The following MAPK7 variants were observed in gnomAD, a reference collection of about 807,000 sequenced individuals.
MAPK7 encodes the protein BMK-1.
MAPK7 carries 30 observed loss-of-function variants against 56.9 expected under a neutral mutation model. That is an observed-to-expected ratio of 0.53 (90% CI 0.39 to 0.72). The LOEUF (loss-of-function observed/expected upper bound fraction) is 0.72. Ranked by LOEUF, MAPK7 falls within the 30% of genes least tolerant of loss-of-function variation. The pLI is 0.00. For missense variants in MAPK7, 952 were observed against 1,110.8 expected (o/e 0.86, Z 2.03); for synonymous variants, 516 against 449.3 (o/e 1.15, Z -1.88).
chr17:19,380,834 A>T lies in MAPK7; in HGVS notation c.625A>T (p.Thr209Ser). 1 of 1,613,376 alleles carries T rather than the reference A, an allele frequency of 6.2e-7. No homozygotes were observed. Among genetic ancestry groups the T allele is most frequent in the Non-Finnish European group, 8.5e-7 (1 of 1,179,654 alleles). Residue 209 changes from threonine (T) to serine (S), a missense_variant, in exon 4 of 7, where the codon ACC becomes TCC. Physicochemically the swap from Thr to Ser is moderately conservative, Grantham distance 58 (BLOSUM62 1). Transcript: ENST00000395604. ...CTTTGGTATGGCTCGTGGCCTGTGC[A>T]CCTCGCCCGCTGAACATCAGTACTT... ...GDFGMARGLC[T>S]SPAEHQYFMT... is the part of the protein sequence containing the mutation.
In MAPK7 at chr17:19,382,011, G is replaced by A; in HGVS notation, c.1708G>A (p.Glu570Lys). 3 of 1,555,096 alleles carry A rather than the reference G, an allele frequency of 1.9e-6. No homozygotes were observed. The highest frequency in any genetic ancestry group is 2.4e-5 in the East Asian group (1 of 41,150). ...VLSDNDRSLL[E>K]RWTRMARPAA... ...CAGTGACAATGACAGAAGCCTGTTG[G>A]AACGCTGGACTCGAATGGCCCGGCC... Residue 570 changes from glutamate to lysine, a missense_variant, in exon 5 of 7, where the codon GAA becomes AAA. By Grantham distance (56) the Glu-to-Lys change is moderately conservative. Coordinates refer to ENST00000395604, the MANE Select transcript of MAPK7 (RefSeq NM_002749.4).
Position 19,378,785 on chromosome 17 carries a change from C to T in MAPK7, c.-5-111C>T. On this transcript the variant is annotated intron_variant, in intron 1 of 6. Transcript: ENST00000395604. The surrounding 1 kb of genome is among the most constrained non-coding windows in gnomAD (Gnocchi z 5.4). ...GCCACGAACCAGCCGCGCGCTTCTG[C>T]CCTTGTCGGTTTAGGAAACTGGGAA... The T allele has an allele frequency of 1.5e-6, 2 of 1,301,088 alleles. No homozygotes were observed. Among genetic ancestry groups the T allele is most frequent in the Non-Finnish European group, 1.0e-6 (1 of 968,334 alleles). 80.6% of individuals were successfully genotyped at this position (1,301,088 alleles called of 1,614,324 possible). A position where few individuals can be genotyped will look rare whatever the true frequency, so the allele number is the denominator to read the frequency against.
intron 2 of MAPK7, 31 bp downstream of exon 2, chr17:19,379,163 G>A (rs767059776): frequency 6.3e-7 from 1 of 1,595,040 alleles, no homozygotes; most frequent in South Asian, 1.1e-5. Flanking sequence ...CCTCCCAGAT[G>A]TGGCAGCGTC....
rs767773020 is a variant in MAPK7, at chr17:19,383,230, G to A, written c.2450G>A (p.Ter817=). ...LADLPDLQDP[*] ...GACCTGCCTGACCTCCAGGACCCCT[G>A]AGGCCCCCAGCCTGTGCCTTGCTGC... The change falls in exon 7 of 7, where the codon TGA becomes TAA. Residue 817 remains the stop codon, a stop_retained_variant. Transcript: ENST00000395604. 152 of 1,613,612 alleles carry A rather than the reference G, an allele frequency of 9.4e-5. No homozygotes were observed. The highest frequency in any genetic ancestry group is 1.2e-4 in the Non-Finnish European group (147 of 1,179,884).
rs149245489 is a variant in MAPK7, at chr17:19,382,150, C to T, written c.1847C>T (p.Pro616Leu). The change falls in exon 5 of 7, where the codon CCG becomes CTG. Residue 616 changes from proline to leucine, a missense_variant. Transcript: ENST00000395604. ...PPGPVAQPTGPQPQSAGSTSG... is the reference protein window; with the variant it reads ...PPGPVAQPTGLQPQSAGSTSG... The stretch of plus-strand genomic sequence containing the variant: ...GGCCCTGTAGCCCAGCCCACTGGCC[C>T]GCAACCACAATCTGCGGGCTCTACC... The T allele has an allele frequency of 1.1e-4, 174 of 1,612,538 alleles. No individual in the cohort carries two copies. Among genetic ancestry groups the T allele is most frequent in the Admixed American group, 5.0e-4 (30 of 60,002 alleles).
intron 6 of MAPK7, 36 bp from the exon 7 acceptor site, chr17:19,383,042 A>T (rs1264042418): frequency 1.9e-6 from 3 of 1,612,934 alleles, no homozygotes; most frequent in Non-Finnish European, 2.5e-6. Flanking sequence ...GGTCCAGCCT[A>T]GGCTAATAGC....
rs1320907090 is a variant in MAPK7 at position 19,381,106 on chromosome 17, G to C, written c.897G>C (p.Gln299His). 2 of 1,613,956 alleles carry C rather than the reference G, an allele frequency of 1.2e-6. No homozygotes were observed. The highest frequency in any genetic ancestry group is 1.1e-5 in the South Asian group (1 of 91,076). ...VGAERVRAYI[Q>H]SLPPRQPVPW... Reference sequence around the variant, plus strand: ...CTGAGAGGGTGCGGGCCTATATCCAGAGCTTGCCACCACGCCAGCCTGTGC... The same window carrying C: ...CTGAGAGGGTGCGGGCCTATATCCACAGCTTGCCACCACGCCAGCCTGTGC... The change falls in exon 4 of 7, where the codon CAG (glutamine) becomes CAC (histidine). Residue 299 changes from glutamine to histidine, a missense_variant. Physicochemically the swap from Gln to His is conservative, Grantham distance 24. Around this residue, in one of 5 missense-constraint regions of MAPK7, gnomAD observed 429 missense variants for 533.0 expected, o/e 0.80. Transcript: ENST00000395604. The surrounding 1 kb of genome is among the most constrained non-coding windows in gnomAD (Gnocchi z 4.6).
In MAPK7 at chr17:19,383,289, A is replaced by T; in HGVS notation, c.*58A>T. On this transcript the variant is annotated 3_prime_UTR_variant, in exon 7 of 7. Coordinates refer to ENST00000395604, the MANE Select transcript of MAPK7 (RefSeq NM_002749.4). ...ACCTAGTTCCAGGATCCATGGGAGC[A>T]TTCTCAAAGGCTTTAGCCCTGGACC... 6.3e-7 allele frequency: 1 copy of T among 1,584,220 alleles called. No individual in the cohort carries two copies. The highest frequency in any genetic ancestry group is 8.6e-7 in the Non-Finnish European group (1 of 1,158,912).
At chr17:19,377,805 T>C (rs1912222732), upstream of MAPK7, 1 of 982,204 alleles carries the variant, frequency 1.0e-6, no homozygotes, top group Non-Finnish European at 1.2e-6. Context: ...TTAACTCCGC[T>C]GCAGCCCAAA....
At position 19,381,227 on chromosome 17, in the gene MAPK7, G is replaced by A; in HGVS notation, c.1018G>A (p.Ala340Thr). The A allele has an allele frequency of 6.2e-7, 1 of 1,614,136 alleles. No homozygotes were observed. Among genetic ancestry groups the A allele is most frequent in the Non-Finnish European group, 8.5e-7 (1 of 1,180,038 alleles). ...GCCCAGCGCTCGCATCTCAGCAGCTGCTGCCCTTCGCCACCCTTTCCTGGC... is the reference window on the plus strand; with the variant it reads ...GCCCAGCGCTCGCATCTCAGCAGCTACTGCCCTTCGCCACCCTTTCCTGGC... ...FEPSARISAA[A>T]ALRHPFLAKY... The change falls in exon 4 of 7, where the codon GCT becomes ACT. Residue 340 changes from alanine to threonine, a missense_variant. Coordinates refer to ENST00000395604, the MANE Select transcript of MAPK7 (RefSeq NM_002749.4). The surrounding 1 kb of genome is among the most constrained non-coding windows in gnomAD (Gnocchi z 4.6).
chr17:19,380,899 C>G lies in MAPK7; in HGVS notation c.690C>G (p.Pro230=). The G allele has an allele frequency of 6.2e-7, 1 of 1,614,154 alleles. No individual in the cohort carries two copies. Among genetic ancestry groups the G allele is most frequent in the Non-Finnish European group, 8.5e-7 (1 of 1,180,034 alleles). The change falls in exon 4 of 7, where the codon CCC becomes CCG. Residue 230 remains proline (P), a synonymous_variant. Coordinates refer to ENST00000395604, the MANE Select transcript of MAPK7 (RefSeq NM_002749.4). The stretch of plus-strand genomic sequence containing the variant: ...TGGCCACGCGCTGGTACCGTGCGCC[C>G]GAGCTCATGCTCTCTTTGCATGAGT... ...EYVATRWYRA[P]ELMLSLHEYT... is the part of the protein sequence containing the mutation.
chr17:19,380,651 A>G lies in MAPK7; in HGVS notation c.442A>G (p.Ile148Val), dbSNP rs761932610. ...GATGGAAAGCGACCTGCACCAGATC[A>G]TCCACTCCTCACAGCCCCTCACACT... ...DLMESDLHQI[I>V]HSSQPLTLEH... is the part of the protein sequence containing the mutation. Residue 148 changes from isoleucine to valine, a missense_variant, in exon 4 of 7, where the codon ATC (isoleucine) becomes GTC (valine). Physicochemically the swap from Ile to Val is conservative, Grantham distance 29. Around this residue, in one of 5 missense-constraint regions of MAPK7, gnomAD observed 213 missense variants for 243.2 expected, o/e 0.88. Coordinates refer to ENST00000395604, the MANE Select transcript of MAPK7 (RefSeq NM_002749.4). 1.2e-6 allele frequency: 2 copies of G among 1,612,120 alleles called. No homozygotes were observed. The highest frequency in any genetic ancestry group is 2.2e-5 in the East Asian group (1 of 44,808).
In MAPK7 at chr17:19,378,758, C is replaced by T; in HGVS notation, c.-6+128C>T. 1.5e-6 allele frequency: 2 copies of T among 1,290,366 alleles called. No individual in the cohort carries two copies. Among genetic ancestry groups the T allele is most frequent in the Non-Finnish European group, 2.1e-6 (2 of 970,018 alleles). The allele number at this position is 1,290,366 out of a possible 1,614,324, so 79.9% of individuals were successfully genotyped here. On this transcript the variant is annotated intron_variant, in intron 1 of 6. Transcript: ENST00000395604. The surrounding 1 kb of genome is among the most constrained non-coding windows in gnomAD (Gnocchi z 5.4). ...GGCCCGGACCCCTGGGGTAGCTAGTCTGCCACGAACCAGCCGCGCGCTTCT... is the reference window on the plus strand; with the variant it reads ...GGCCCGGACCCCTGGGGTAGCTAGTTTGCCACGAACCAGCCGCGCGCTTCT...
In MAPK7 at chr17:19,381,931, G is replaced by T. The variant is rs953512321; in HGVS notation, c.1628G>T (p.Arg543Leu). ...KRRQERERKE[R>L]GAGASGGPST... ...CGGCAGGAGCGGGAGCGAAAGGAACGGGGGGCTGGGGCCTCTGGGGGCCCC... is the reference window on the plus strand; with the variant it reads ...CGGCAGGAGCGGGAGCGAAAGGAACTGGGGGCTGGGGCCTCTGGGGGCCCC... The change falls in exon 5 of 7, where the codon CGG (arginine) becomes CTG (leucine). Residue 543 changes from arginine to leucine, a missense_variant. Arg to Leu is a moderately radical substitution (Grantham distance 102). Transcript: ENST00000395604. This position sits in a 1 kb window ranked among gnomAD's most constrained non-coding sequence, Gnocchi z 4.6. 10 of 1,552,068 alleles carry T rather than the reference G, an allele frequency of 6.4e-6. No homozygotes were observed. The highest frequency in any genetic ancestry group is 1.2e-5 in the South Asian group (1 of 84,238).
chr17:19,381,905 G>A lies in MAPK7; in HGVS notation c.1602G>A (p.Arg534=), dbSNP rs1912713572. The change falls in exon 5 of 7, where the codon CGG becomes CGA. Residue 534 remains arginine, a synonymous_variant. Transcript: ENST00000395604. This position sits in a 1 kb window ranked among gnomAD's most constrained non-coding sequence, Gnocchi z 4.6. ...RQERAKEREK[R]RQERERKERG... ...AACGAGCCAAGGAGCGGGAGAAACG[G>A]CGGCAGGAGCGGGAGCGAAAGGAAC... The A allele has an allele frequency of 1.3e-6, 2 of 1,556,924 alleles. No individual in the cohort carries two copies. Among genetic ancestry groups the A allele is most frequent in the Non-Finnish European group, 1.7e-6 (2 of 1,149,954 alleles).
chr17:19,378,959 C>A lies in MAPK7; in HGVS notation c.59C>A (p.Pro20His), dbSNP rs757695720. The A allele has an allele frequency of 1.9e-6, 3 of 1,602,666 alleles. No homozygotes were observed. Among genetic ancestry groups the A allele is most frequent in the African/African-American group, 2.7e-5 (2 of 74,770 alleles). Residue 20 changes from proline (P) to histidine (H), a missense_variant, in exon 2 of 7, where the codon CCC becomes CAC. Physicochemically the swap from Pro to His is moderately conservative, Grantham distance 77. Around this residue, in one of 5 missense-constraint regions of MAPK7, gnomAD observed 213 missense variants for 243.2 expected, o/e 0.88. Transcript: ENST00000395604. This position sits in a 1 kb window ranked among gnomAD's most constrained non-coding sequence, Gnocchi z 5.4. ...GACGGCTCTGCGGAGCCCCCCGGGC[C>A]CGTGAAGGCCGAACCCGCCCACACC... ...GEDGSAEPPG[P>H]VKAEPAHTAA...
In MAPK7 at chr17:19,378,578, G is replaced by A; in HGVS notation, c.-58G>A. ...CACCCTCGGAGACCCCCGCGCTGGG[G>A]ACGGGAGGCCGGCGAGCCTCGGGAC... On this transcript the variant is annotated 5_prime_UTR_variant, in exon 1 of 7. Coordinates refer to ENST00000395604, the MANE Select transcript of MAPK7 (RefSeq NM_002749.4). This position sits in a 1 kb window ranked among gnomAD's most constrained non-coding sequence, Gnocchi z 5.4. 8.1e-7 allele frequency: 1 copy of A among 1,230,238 alleles called. No individual in the cohort carries two copies. The highest frequency in any genetic ancestry group is 1.0e-6 in the Non-Finnish European group (1 of 979,918). 76.2% of individuals were successfully genotyped at this position (1,230,238 alleles called of 1,614,324 possible).
chr17:19,380,225 T>G, intron 3 of MAPK7: 1 of 513,074 alleles, frequency 1.9e-6, no homozygotes, highest in Non-Finnish European at 3.4e-6. Context: ...ATAGCAGACT[T>G]CACTAATCAA....
chr17:19,380,151 G>C, intron 3 of MAPK7: 2 of 618,780 alleles, frequency 3.2e-6, no homozygotes, highest in Non-Finnish European at 5.5e-6. Context: ...CAGTTTTATA[G>C]AATCTTAGTA....
Sources: allele counts gnomAD v4.1 joint callset, GRCh38; gene constraint gnomAD v4.1.1; regional missense constraint gnomAD v4.1.1; non-coding constraint Gnocchi (gnomAD v3.1); transcripts MANE v1.5; gene names NCBI Gene and HGNC (gene_info 2026-07-23, HGNC 2026-07-21).